CDH12: variants seen among roughly 807,000 people sequenced by gnomAD.
The protein encoded by CDH12 is cadherin-12.
CDH12 carries 41 observed loss-of-function variants against 74.1 expected under a neutral mutation model. The observed-to-expected ratio is 0.55, with a 90% CI of 0.43 to 0.72. The LOEUF (loss-of-function observed/expected upper bound fraction) is 0.72, where lower values mean the gene tolerates loss of function less well. Ranked by LOEUF, CDH12 falls within the 30% of genes least tolerant of loss-of-function variation. The pLI is 0.00. For missense variants in CDH12, 945 were observed against 977.2 expected (o/e 0.97, Z 0.44); for synonymous variants, 399 against 355.0 (o/e 1.12, Z -1.39).
chr5:22,755,663 T>C (rs1300127453), intron 1 of CDH12, among the ~76,000 whole-genome samples: 1 of 152,166 alleles, frequency 6.6e-6, no homozygotes, highest in Non-Finnish European at 1.5e-5. Context: ...CTTTCTTCTC[T>C]TGTGTTAAGC....
At chr5:21,882,884 T>C (rs1752433388) in intron 6 of CDH12, 1 of 1,602,950 alleles carries the variant, frequency 6.2e-7, no homozygotes, top group African/African-American at 1.3e-5. Flanking sequence ...CTAAACTTGT[T>C]CAAGATGTTG....
chr5:21,751,884 G>T lies in CDH12; in HGVS notation c.2238C>A (p.Ser746=). Residue 746 remains serine, a synonymous_variant, in exon 15 of 15, where the codon TCC becomes TCA. Transcript: ENST00000382254. ...CTATAGAGCTGAGGGACTCTGCCAC[G>T]GACCCACTCCCTTCGTAGGCATATG... The part of the protein sequence containing the change: ...LATYAYEGSG[S]VAESLSSIDS... 6.2e-7 allele frequency: 1 copy of T among 1,613,926 alleles called. No homozygotes were observed. Among genetic ancestry groups the T allele is most frequent in the Non-Finnish European group, 8.5e-7 (1 of 1,179,982 alleles).
chr5:22,270,450 C>A (rs909779086), intron 3 of CDH12, among the ~76,000 whole-genome samples: 1 of 151,740 alleles, frequency 6.6e-6, no homozygotes, highest in African/African-American at 2.4e-5. Flanking sequence ...AAAAAATTAG[C>A]CAGGCATGGC....
At chr5:22,653,650 A>G (rs1344990903) in intron 1 of CDH12, among the ~76,000 whole-genome samples, 2 of 152,164 alleles carry the variant, frequency 1.3e-5, no homozygotes, top group Non-Finnish European at 2.9e-5. Context: ...ATAGCGGCCC[A>G]CTGGTAATGC....
chr5:22,201,659 C>G (rs1411050450), intron 4 of CDH12, among the ~76,000 whole-genome samples: 2 of 151,896 alleles, frequency 1.3e-5, no homozygotes, highest in African/African-American at 2.4e-5. Flanking sequence ...ACTTGTACCC[C>G]TTAAATATAT....
At chr5:22,148,760 G>T (rs1747375599) in intron 4 of CDH12, among the ~76,000 whole-genome samples, 1 of 152,058 alleles carries the variant, frequency 6.6e-6, no homozygotes, top group Non-Finnish European at 1.5e-5. Context: ...TCATTGAATG[G>T]CCTTCTTTCT....
intron 5 of CDH12, among the ~76,000 whole-genome samples, chr5:22,044,837 G>T (rs978633623): frequency 6.6e-6 from 1 of 152,158 alleles, no homozygotes; most frequent in African/African-American, 2.4e-5. Flanking sequence ...TTGAAACTAT[G>T]AAACTACTAG....
At chr5:22,044,164 A>G (rs1739770355) in intron 5 of CDH12, among the ~76,000 whole-genome samples, 1 of 152,206 alleles carries the variant, frequency 6.6e-6, no homozygotes, top group South Asian at 2.1e-4. Flanking sequence ...TGTAGTCATC[A>G]TACTTCCTGA....
chr5:22,447,219 T>A (rs1219512961), intron 2 of CDH12, among the ~76,000 whole-genome samples: 1 of 152,106 alleles, frequency 6.6e-6, no homozygotes, highest in Non-Finnish European at 1.5e-5. Context: ...CATAGACTAC[T>A]TCATTGTATT....
At chr5:22,424,886 CT>C (rs1349827776) in intron 2 of CDH12, among the ~76,000 whole-genome samples, 2 of 151,626 alleles carry the variant, frequency 1.3e-5, no homozygotes, top group African/African-American at 4.8e-5. Flanking sequence ...ATAAATAAGA[CT>C]TTTAATCAGA....
rs113802466 is a variant in CDH12 at position 22,022,838 on chromosome 5, G to A, written c.232-47453C>T. 6.0e-3 allele frequency among the ~76,000 whole-genome samples: 911 copies of A among 151,770 alleles called. 7 individuals carry two copies. The highest frequency in any genetic ancestry group is 9.7e-3 in the Admixed American group (148 of 15,230). On this transcript the variant is annotated intron_variant, in intron 5 of 14. Coordinates refer to ENST00000382254, the MANE Select transcript of CDH12 (RefSeq NM_004061.5). Reference sequence around the variant, plus strand: ...TCTACCTTTACATACTGTTTGCTTTGCCTCCAAATAATACATAAATTTACT... The same window carrying A: ...TCTACCTTTACATACTGTTTGCTTTACCTCCAAATAATACATAAATTTACT...
At chr5:22,631,493 A>C (rs540060085) in intron 1 of CDH12, among the ~76,000 whole-genome samples, 1 of 152,236 alleles carries the variant, frequency 6.6e-6, no homozygotes, top group African/African-American at 2.4e-5. Flanking sequence ...AGCAACATGG[A>C]TGGAGCTGGA....
intron 3 of CDH12, among the ~76,000 whole-genome samples, chr5:22,260,757 C>T (rs978945810): frequency 2.5e-4 from 38 of 152,048 alleles, no homozygotes; most frequent in African/African-American, 6.7e-4. Flanking sequence ...AGTGCCTTAA[C>T]GCTTCAGACA....
chr5:22,458,781 C>A lies in CDH12; in HGVS notation c.-428+46489G>T, dbSNP rs528923082. Among the ~76,000 whole-genome samples the A allele has an allele frequency of 1.2e-3, 180 of 152,266 alleles. 1 individual carries two copies. The highest frequency in any genetic ancestry group is 4.2e-3 in the African/African-American group (173 of 41,560). On this transcript the variant is annotated intron_variant, in intron 2 of 14. Coordinates refer to ENST00000382254, the MANE Select transcript of CDH12 (RefSeq NM_004061.5). ...CTAGAGGTATATTAAATGTGAGACT[C>A]AAAAGAGTTTCTTTCAGCTGTTTCT...
Position 22,447,004 on chromosome 5 carries a change from C to G in CDH12, c.-427-41653G>C, listed in dbSNP as rs574082705. On this transcript the variant is annotated intron_variant, in intron 2 of 14. Coordinates refer to ENST00000382254, the MANE Select transcript of CDH12 (RefSeq NM_004061.5). Reference sequence around the variant, plus strand: ...CCCTGTATATAACACTAACAGCAAACTTAAATACTGGATATTCCTTCCTTG... The same window carrying G: ...CCCTGTATATAACACTAACAGCAAAGTTAAATACTGGATATTCCTTCCTTG... Among the ~76,000 whole-genome samples, 16 of 152,142 alleles carry G rather than the reference C, an allele frequency of 1.1e-4. No individual in the cohort carries two copies. The East Asian group carries it at 3.1e-3, about 29-fold the overall frequency.
chr5:21,959,800 C>A (rs1756269156), intron 6 of CDH12, among the ~76,000 whole-genome samples: 1 of 149,588 alleles, frequency 6.7e-6, no homozygotes, highest in Non-Finnish European at 1.5e-5. Context: ...GTGGTGTGTG[C>A]CTGTAGTCCC....
intron 3 of CDH12, among the ~76,000 whole-genome samples, chr5:22,237,528 G>C (rs1289238820): frequency 6.6e-6 from 1 of 152,088 alleles, no homozygotes; most frequent in Non-Finnish European, 1.5e-5. Flanking sequence ...TCCTTGTAAG[G>C]ACATGGAAAG....
At chr5:22,682,328 A>G (rs1455597835) in intron 1 of CDH12, among the ~76,000 whole-genome samples, 3 of 152,122 alleles carry the variant, frequency 2.0e-5, no homozygotes, top group Non-Finnish European at 4.4e-5. Flanking sequence ...GGAAGAAATG[A>G]ATAGTGCTAG....
intron 1 of CDH12, among the ~76,000 whole-genome samples, chr5:22,802,506 T>TC (rs1291703652): frequency 1.3e-5 from 2 of 152,150 alleles, no homozygotes; most frequent in South Asian, 2.1e-4. Context: ...GTTTGTTGGG[T>TC]CAAGAGCCCT....
Sources: allele counts gnomAD v4.1 joint callset (sites outside exome capture counted in the v4.1 genomes callset), GRCh38; gene constraint gnomAD v4.1.1; transcripts MANE v1.5; gene names NCBI Gene and HGNC (gene_info 2026-07-23, HGNC 2026-07-21).